DLGAP3: variants seen among roughly 807,000 people sequenced by gnomAD.
The protein encoded by DLGAP3 is DLG associated protein 3, also known as disks large-associated protein 3.
DLGAP3 carries 17 observed loss-of-function variants against 81.2 expected under a neutral mutation model. The observed-to-expected ratio is 0.21, with a 90% confidence interval of 0.14 to 0.31. The LOEUF is 0.31. Ranked by LOEUF, DLGAP3 falls within the 10% of genes least tolerant of loss-of-function variation. DLGAP3 has a pLI of 1.00. For synonymous variants in DLGAP3, 577 were observed against 587.4 expected (o/e 0.98, Z 0.26); for missense variants, 1,124 against 1,388.0 (o/e 0.81, Z 3.02).
Position 34,904,899 on chromosome 1 carries a change from G to C in DLGAP3, c.485C>G (p.Pro162Arg). The change falls in exon 3 of 12, where the codon CCC becomes CGC. Residue 162 changes from proline (P) to arginine (R), a missense_variant. Pro to Arg is a moderately radical substitution (Grantham distance 103). Transcript: ENST00000373347. The surrounding 1 kb of genome is among the most constrained non-coding windows in gnomAD (Gnocchi z 8.1). The stretch of plus-strand genomic sequence containing the variant: ...GATGCGGCTAGGGCTCTCACTGCGG[G>C]GCTCTGGGGCAGTGCCCGTCCCTGG... ...PAPGTGTAPE[P>R]RSESPSRIRH... The C allele has an allele frequency of 6.2e-7, 1 of 1,611,374 alleles. No homozygotes were observed.
intron 8 of DLGAP3, among the ~76,000 whole-genome samples, chr1:34,875,159 G>A (rs1489621077): frequency 6.6e-6 from 1 of 152,066 alleles, no homozygotes; most frequent in Non-Finnish European, 1.5e-5. Context: ...TAACTTAATG[G>A]GTATGGAAGC....
chr1:34,919,353 G>C (rs1169888061), intron 1 of DLGAP3, among the ~76,000 whole-genome samples: 2 of 152,210 alleles, frequency 1.3e-5, no homozygotes, highest in African/African-American at 2.4e-5. Context: ...CTTAGCAGCT[G>C]TCCTCCCAGC....
chr1:34,877,386 G>A (rs1245272558), intron 8 of DLGAP3, among the ~76,000 whole-genome samples: 1 of 152,176 alleles, frequency 6.6e-6, no homozygotes, highest in African/African-American at 2.4e-5. Flanking sequence ...GGGTTCAAAT[G>A]AGTATTACCT....
chr1:34,891,885 ATTCAGGGATT>A (rs1639316188), intron 5 of DLGAP3, among the ~76,000 whole-genome samples: 1 of 152,272 alleles, frequency 6.6e-6, no homozygotes, highest in Non-Finnish European at 1.5e-5. Context: ...CACAGATTTC[ATTCAGGGATT>A]AACAAACAAA....
Position 34,885,758 on chromosome 1 carries a change from G to C in DLGAP3, c.1634C>G (p.Pro545Arg), listed in dbSNP as rs866156722. Residue 545 changes from proline (P) to arginine (R), a missense_variant, in exon 7 of 12, where the codon CCG becomes CGG. This residue lies in a region of DLGAP3 where 379 missense variants were observed against 455.7 expected (regional missense o/e 0.83). Coordinates refer to ENST00000373347, the MANE Select transcript of DLGAP3 (RefSeq NM_001080418.3). ...GCGGGGCGGGGCCTGGCTTCCCGGC[G>C]GGATGGGGGGCGGGGCCTTTCTGAA... ...FNFRKAPPPIPPGSQAPPRIS... is the reference protein window; with the variant it reads ...FNFRKAPPPIRPGSQAPPRIS... 2 of 1,414,124 alleles carry C rather than the reference G, an allele frequency of 1.4e-6. No individual in the cohort carries two copies. Among genetic ancestry groups the C allele is most frequent in the Non-Finnish European group, 1.8e-6 (2 of 1,092,888 alleles). The allele number at this position is 1,414,124 out of a possible 1,614,324, so 87.6% of individuals were successfully genotyped here. A position where few individuals can be genotyped will look rare whatever the true frequency, so the allele number is the denominator to read the frequency against.
rs58802413 is a variant in DLGAP3 at position 34,893,178 on chromosome 1, C to CA, written c.1386+6490dup. Among the ~76,000 whole-genome samples the CA allele has an allele frequency of 1.5e-3, 131 of 84,692 alleles. 2 individuals are homozygous for CA. Among genetic ancestry groups the CA allele is most frequent in the African/African-American group, 3.9e-3 (90 of 23,026 alleles). 55.6% of individuals were successfully genotyped at this position (84,692 alleles called of 152,430 possible). Reference sequence around the variant, plus strand: ...TGGGCGACAGAGCGAGACTCCGTCTCAAAAAAAAAAAAAAAAAAAAACAAT... The same window carrying CA: ...TGGGCGACAGAGCGAGACTCCGTCTCAAAAAAAAAAAAAAAAAAAAAACAAT... On this transcript the variant is annotated intron_variant, in intron 5 of 11. Transcript: ENST00000373347.
At chr1:34,897,141 G>A (rs191482084) in intron 5 of DLGAP3, among the ~76,000 whole-genome samples, 65 of 152,184 alleles carry the variant, frequency 4.3e-4, no homozygotes, top group African/African-American at 1.5e-3. Context: ...GAGGAAAAAA[G>A]TATTATGAGA....
chr1:34,867,442 A>G lies in DLGAP3; in HGVS notation c.2577+94T>C. ...GCAGGCCTGGTCTCACCTCTGGTACACACTCACTCTGGGTCACCTGCCTGT... is the reference window on the plus strand; with the variant it reads ...GCAGGCCTGGTCTCACCTCTGGTACGCACTCACTCTGGGTCACCTGCCTGT... On this transcript the variant is annotated intron_variant, in intron 10 of 11. Transcript: ENST00000373347. The surrounding 1 kb of genome is among the most constrained non-coding windows in gnomAD (Gnocchi z 4.3). 8.5e-7 allele frequency: 1 copy of G among 1,178,946 alleles called. No individual in the cohort carries two copies. Among genetic ancestry groups the G allele is most frequent in the African/African-American group, 1.5e-5 (1 of 66,970 alleles). 73.0% of individuals were successfully genotyped at this position (1,178,946 alleles called of 1,614,324 possible).
intron 1 of DLGAP3, among the ~76,000 whole-genome samples, chr1:34,911,418 C>T (rs1332207697): frequency 1.3e-5 from 2 of 152,170 alleles, no homozygotes; most frequent in African/African-American, 4.8e-5. Context: ...TATGACAATT[C>T]TGGGTGCTGG....
intron 8 of DLGAP3, 138 bp downstream of exon 8, chr1:34,884,840 G>T: frequency 1.4e-6 from 1 of 727,662 alleles, no homozygotes; most frequent in South Asian, 1.5e-5. Context: ...TGGCTGCTCT[G>T]ACCACCCTCT....
chr1:34,866,487 C>G (rs1053705989), intron 11 of DLGAP3, among the ~76,000 whole-genome samples, 186 bp from the exon 12 acceptor site: 1 of 152,166 alleles, frequency 6.6e-6, no homozygotes, highest in African/African-American at 2.4e-5. Flanking sequence ...GGTCAAATCC[C>G]CACATTTTCC....
Position 34,899,694 on chromosome 1 carries a change from T to C in DLGAP3, c.1361A>G (p.Tyr454Cys). ...CTGTCCAGTGGTGAGGGAACGGCTG[T>C]AGCCAGGGATGGAGCTCCGGGGGTG... ...RIHPRSSIPG[Y>C]SRSLTTGQLS... The change falls in exon 5 of 12, where the codon TAC (tyrosine) becomes TGC (cysteine). Residue 454 changes from tyrosine to cysteine, a missense_variant. Tyr to Cys is a radical substitution (Grantham distance 194, BLOSUM62 -2). This residue lies in a region of DLGAP3 where 357 missense variants were observed against 408.8 expected (regional missense o/e 0.87). Coordinates refer to ENST00000373347, the MANE Select transcript of DLGAP3 (RefSeq NM_001080418.3). The C allele has an allele frequency of 6.2e-7, 1 of 1,613,930 alleles. No individual in the cohort carries two copies. The highest frequency in any genetic ancestry group is 1.1e-5 in the South Asian group (1 of 91,074).
At chr1:34,885,440 A>G (rs757581366) in intron 7 of DLGAP3, 38 bp downstream of exon 7, 2 of 1,600,238 alleles carry the variant, frequency 1.2e-6, no homozygotes, top group East Asian at 2.2e-5. Context: ...CCGACCGACC[A>G]GGGTCAGAGC....
intron 5 of DLGAP3, among the ~76,000 whole-genome samples, chr1:34,888,694 GT>G (rs1194894041): frequency 6.6e-6 from 1 of 152,024 alleles, no homozygotes; most frequent in Non-Finnish European, 1.5e-5. Flanking sequence ...CAGAAGTTAA[GT>G]TCTCTCATAT....
At chr1:34,908,266 T>C (rs1639589630) in intron 1 of DLGAP3, among the ~76,000 whole-genome samples, 1 of 152,190 alleles carries the variant, frequency 6.6e-6, no homozygotes, top group South Asian at 2.1e-4. Context: ...GGTACCAAAA[T>C]GTTAGGCTAC....
intron 1 of DLGAP3, among the ~76,000 whole-genome samples, chr1:34,909,718 C>A (rs1360456292): frequency 6.6e-6 from 1 of 152,100 alleles, no homozygotes; most frequent in East Asian, 1.9e-4. Context: ...TTCCTCCCCC[C>A]ACATCACCCA....
At position 34,905,150 on chromosome 1, in the gene DLGAP3, C is replaced by T. The variant is rs758112002; in HGVS notation, c.234G>A (p.Ala78=). 10 of 1,569,048 alleles carry T rather than the reference C, an allele frequency of 6.4e-6. No homozygotes were observed. Among genetic ancestry groups the T allele is most frequent in the Admixed American group, 5.6e-5 (3 of 53,370 alleles). ...TGCTACCCCCCCCAACCCCGGCCCC[C>T]GCTGGCCCTCCCTCAGGGCCTACCG... ...GPSVGPEGGP[A]GAGVGGGSST... Residue 78 remains alanine (A), a synonymous_variant, in exon 3 of 12, where the codon GCG becomes GCA. Coordinates refer to ENST00000373347, the MANE Select transcript of DLGAP3 (RefSeq NM_001080418.3).
chr1:34,916,911 A>T (rs1639727628), intron 1 of DLGAP3, among the ~76,000 whole-genome samples: 1 of 151,926 alleles, frequency 6.6e-6, no homozygotes, highest in African/African-American at 2.4e-5. Context: ...GTTGGCCTGG[A>T]TGGTCTCGGT....
At position 34,873,008 on chromosome 1, in the gene DLGAP3, C is replaced by A. The variant is rs147431169; in HGVS notation, c.2001-3919G>T. 2.0e-4 allele frequency among the ~76,000 whole-genome samples: 30 copies of A among 152,276 alleles called. No individual in the cohort carries two copies. In the East Asian group the frequency reaches 5.6e-3, roughly 28 times the overall value. ...TGAAGAGAGAGAAGAGAGGAGGAACCAGATATAAGGATGGATAAAAAAGAA... is the reference window on the plus strand; with the variant it reads ...TGAAGAGAGAGAAGAGAGGAGGAACAAGATATAAGGATGGATAAAAAAGAA... On this transcript the variant is annotated intron_variant, in intron 8 of 11. Transcript: ENST00000373347. This position sits in a 1 kb window ranked among gnomAD's most constrained non-coding sequence, Gnocchi z 4.2.
Sources: gnomAD v4.1 joint callset for allele counts (sites outside exome capture counted in the v4.1 genomes callset) on GRCh38, gnomAD v4.1.1 for gene constraint, gnomAD v4.1.1 regional missense constraint, Gnocchi (gnomAD v3.1) non-coding constraint, MANE v1.5 for transcripts, NCBI Gene and HGNC (gene_info 2026-07-23, HGNC 2026-07-21) for gene names.